Variants in PDZD2 observed in about 807,000 individuals in gnomAD.
PDZD2 encodes PDZ domain-containing protein 2.
A neutral mutation model predicts 220.7 loss-of-function variants in PDZD2; 90 were observed. The ratio of observed to expected loss-of-function variants is 0.41; its 90% CI spans 0.34 to 0.49. PDZD2 has a LOEUF of 0.49. Among genes scored for constraint, PDZD2 ranks in the 20% least tolerant of loss-of-function variants. The pLI is 0.28. For synonymous variants in PDZD2, 1,375 were observed against 1,450.5 expected (o/e 0.95, Z 1.18); for missense variants, 3,174 against 3,608.5 (o/e 0.88, Z 3.08).
At chr5:31,670,322 A>G (rs1746165873) in intron 1 of PDZD2, among the ~76,000 whole-genome samples, 1 of 152,206 alleles carries the variant, frequency 6.6e-6, no homozygotes, top group South Asian at 2.1e-4. Flanking sequence ...TGACTTCCAC[A>G]AATACTTTTG....
chr5:31,983,615 G>T lies in PDZD2; in HGVS notation c.937G>T (p.Gly313Cys). The change falls in exon 3 of 25, where the codon GGT becomes TGT. Residue 313 changes from glycine (G) to cysteine (C), a missense_variant. This residue lies in a region of PDZD2 where 632 missense variants were observed against 708.1 expected (regional missense o/e 0.89). Transcript: ENST00000438447. ...CAATGACAAACGCCGCTTCTCAAAA[G>T]GTGGGAAGACGGACTTCCAATCGAG... ...TSNDKRRFSK[G>C]GKTDFQSSDC... 2 of 1,614,176 alleles carry T rather than the reference G, an allele frequency of 1.2e-6. No homozygotes were observed. Among genetic ancestry groups the T allele is most frequent in the Non-Finnish European group, 1.7e-6 (2 of 1,180,020 alleles).
chr5:31,862,862 G>T (rs1375643916), intron 2 of PDZD2, among the ~76,000 whole-genome samples: 1 of 152,170 alleles, frequency 6.6e-6, no homozygotes, highest in Non-Finnish European at 1.5e-5. Context: ...AAGTAGCTGG[G>T]ATTACAGGCA....
At chr5:32,048,967 A>T (rs426427) in intron 8 of PDZD2, among the ~76,000 whole-genome samples, 2,613 of 152,294 alleles carry the variant, frequency 0.017, 47 homozygotes, top group South Asian at 0.061. Flanking sequence ...ATGGCGTCTC[A>T]TAGTCTGTGG....
intron 2 of PDZD2, among the ~76,000 whole-genome samples, chr5:31,979,896 C>T (rs1033221371): frequency 5.3e-5 from 8 of 152,250 alleles, no homozygotes; most frequent in Non-Finnish European, 1.2e-4. Context: ...TTGATATTTC[C>T]AAGCTGCAGT....
In PDZD2 at chr5:32,076,928, T is replaced by C. The variant is rs547756332; in HGVS notation, c.3538-534T>C. On this transcript the variant is annotated intron_variant, in intron 18 of 24. Transcript: ENST00000438447. ...CTTTGGGCCACTTTATCACTCACAATGGATAAATTTCACATGAAGCTGATT... is the reference window on the plus strand; with the variant it reads ...CTTTGGGCCACTTTATCACTCACAACGGATAAATTTCACATGAAGCTGATT... 2.3e-4 allele frequency among the ~76,000 whole-genome samples: 35 copies of C among 152,364 alleles called. No individual in the cohort carries two copies. The South Asian group carries it at 5.6e-3, about 24-fold the overall frequency.
intron 1 of PDZD2, among the ~76,000 whole-genome samples, chr5:31,763,562 T>C (rs1382736462): frequency 3.9e-5 from 6 of 152,122 alleles, no homozygotes; most frequent in African/African-American, 1.4e-4. Flanking sequence ...TTACATATAA[T>C]TTGAAGTTGA....
At chr5:31,798,653 C>G (rs79773206) in intron 1 of PDZD2, among the ~76,000 whole-genome samples, 2,056 of 152,234 alleles carry the variant, frequency 0.014, 36 homozygotes, top group African/African-American at 0.047. Flanking sequence ...CTCTGCTGAT[C>G]CAGGAAACTT....
intron 10 of PDZD2, among the ~76,000 whole-genome samples, chr5:32,057,362 G>T (rs1040133476): frequency 1.3e-5 from 2 of 152,070 alleles, no homozygotes; most frequent in Non-Finnish European, 2.9e-5. Context: ...GTTTGATTTC[G>T]AAACATAGGA....
At chr5:31,705,610 T>C (rs922824212) in intron 1 of PDZD2, among the ~76,000 whole-genome samples, 1 of 152,236 alleles carries the variant, frequency 6.6e-6, no homozygotes, top group Non-Finnish European at 1.5e-5. Flanking sequence ...CCATAAGTTA[T>C]AGATTTGTAT....
At chr5:32,094,148 A>C (rs892622743) in intron 21 of PDZD2, among the ~76,000 whole-genome samples, 1 of 151,386 alleles carries the variant, frequency 6.6e-6, no homozygotes, top group African/African-American at 2.5e-5. Context: ...CCTGAGTGTG[A>C]GTGGACCTGT....
intron 1 of PDZD2, among the ~76,000 whole-genome samples, chr5:31,685,633 C>G (rs961634780): frequency 6.6e-6 from 1 of 152,162 alleles, no homozygotes; most frequent in African/African-American, 2.4e-5. Context: ...AAGCATTCCT[C>G]CCACCTTAGC....
chr5:31,810,349 G>A (rs757911043), intron 2 of PDZD2, among the ~76,000 whole-genome samples: 9 of 147,626 alleles, frequency 6.1e-5, no homozygotes, highest in African/African-American at 2.0e-4. Flanking sequence ...TGCAACCTCC[G>A]CCTCCCGGGT....
At chr5:31,794,799 T>C (rs1433463073) in intron 1 of PDZD2, among the ~76,000 whole-genome samples, 1 of 152,184 alleles carries the variant, frequency 6.6e-6, no homozygotes, top group Non-Finnish European at 1.5e-5. Context: ...TTTAAAATGA[T>C]AGCATTTTCT....
At chr5:31,678,605 G>A (rs1422981502) in intron 1 of PDZD2, among the ~76,000 whole-genome samples, 1 of 152,062 alleles carries the variant, frequency 6.6e-6, no homozygotes, top group East Asian at 1.9e-4. Context: ...TGTTTTCAGT[G>A]GAATTTCTTA....
At chr5:31,747,256 G>GT (rs1482668981) in intron 1 of PDZD2, among the ~76,000 whole-genome samples, 3 of 152,206 alleles carry the variant, frequency 2.0e-5, no homozygotes, top group Non-Finnish European at 2.9e-5. Flanking sequence ...AAACGTGTAA[G>GT]TTTTTTGTGC....
intron 2 of PDZD2, chr5:31,854,934 G>T (rs1758299634): frequency 7.1e-6 from 7 of 983,318 alleles, no homozygotes; most frequent in Non-Finnish European, 8.5e-6. Context: ...TCCTCCCACA[G>T]ACCTGGAGCC....
chr5:31,983,293 G>A lies in PDZD2; in HGVS notation c.615G>A (p.Leu205=). 1 of 1,614,212 alleles carries A rather than the reference G, an allele frequency of 6.2e-7. No homozygotes were observed. The highest frequency in any genetic ancestry group is 8.5e-7 in the Non-Finnish European group (1 of 1,180,048). The change falls in exon 3 of 25, where the codon CTG becomes CTA. Residue 205 remains leucine (L), a synonymous_variant. Transcript: ENST00000438447. ...CAGGAGAAACACCTACCTTGGAGCTGGGTGACCGAACTGCGAAAAAGGGGA... is the reference window on the plus strand; with the variant it reads ...CAGGAGAAACACCTACCTTGGAGCTAGGTGACCGAACTGCGAAAAAGGGGA... ...SEPGETPTLE[L]GDRTAKKGKR... is the part of the protein sequence containing the mutation.
chr5:31,808,978 CAAAA>C (rs5867105), intron 2 of PDZD2, among the ~76,000 whole-genome samples: 8,669 of 145,236 alleles, frequency 0.06, 535 homozygotes, highest in African/African-American at 0.16. Context: ...GACTCCATCT[CAAAA>C]AAAAAAAAAT....
intron 2 of PDZD2, among the ~76,000 whole-genome samples, chr5:31,934,920 C>T (rs1456831244): frequency 6.6e-6 from 1 of 151,982 alleles, no homozygotes; most frequent in Non-Finnish European, 1.5e-5. Context: ...AACCCCATCT[C>T]TACTAAAAAT....
Sources: gnomAD v4.1 joint callset for allele counts (sites outside exome capture counted in the v4.1 genomes callset) on GRCh38, gnomAD v4.1.1 for gene constraint, gnomAD v4.1.1 regional missense constraint, MANE v1.5 for transcripts, NCBI Gene and HGNC (gene_info 2026-07-23, HGNC 2026-07-21) for gene names.